Variants in SEMA3D observed in about 807,000 individuals in gnomAD.
SEMA3D encodes semaphorin-3D.
A neutral mutation model predicts 100.1 loss-of-function variants in SEMA3D; 84 were observed. The observed-to-expected ratio is 0.84, with a 90% CI of 0.70 to 1.01. SEMA3D has a LOEUF of 1.01. Ranked by LOEUF, SEMA3D falls within the 50% of genes least tolerant of loss-of-function variation. The probability of loss-of-function intolerance (pLI) is 0.00; values close to 1 mark genes in which losing one functional copy is unlikely to be tolerated. For missense variants in SEMA3D, 875 were observed against 934.1 expected, an observed-to-expected ratio of 0.94 and a Z score of 0.82; for synonymous variants, 312 against 320.7, an observed-to-expected ratio of 0.97 and a Z score of 0.29.
chr7:85,070,707 C>T (rs1032266272), intron 6 of SEMA3D, among the ~76,000 whole-genome samples: 8 of 152,168 alleles, frequency 5.3e-5, no homozygotes, highest in African/African-American at 1.9e-4. Flanking sequence ...AATTTGACTG[C>T]CCCAGGGCTT....
intron 6 of SEMA3D, among the ~76,000 whole-genome samples, chr7:85,069,304 A>T (rs905121972): frequency 6.6e-6 from 1 of 152,202 alleles, no homozygotes; most frequent in Admixed American, 6.5e-5. Context: ...GAACAAGACC[A>T]ATAGTAACTA....
At chr7:85,115,042 C>G (rs539518036) in intron 3 of SEMA3D, among the ~76,000 whole-genome samples, 14 of 152,182 alleles carry the variant, frequency 9.2e-5, no homozygotes, top group Admixed American at 2.0e-4. Flanking sequence ...ACCCAGTGAT[C>G]TTAAAGAGTA....
chr7:85,212,885 T>G, the SEMA3D span, among the ~76,000 whole-genome samples: 1 of 152,066 alleles, frequency 6.6e-6, no homozygotes, highest in Non-Finnish European at 1.5e-5. Flanking sequence ...CGAAACTTCA[T>G]GCAATAATGA....
chr7:85,149,819 A>G (rs1042682682), intron 2 of SEMA3D, among the ~76,000 whole-genome samples: 3 of 152,286 alleles, frequency 2.0e-5, no homozygotes, highest in Non-Finnish European at 2.9e-5. Flanking sequence ...CTGGAGTAAT[A>G]CAGTGAACTC....
In SEMA3D at chr7:85,146,560, A is replaced by AT. The variant is rs974550265; in HGVS notation, c.-41+7047_-41+7048insA. ...CAGAGTGAGACTCCATCTAAAAAAA[A>AT]ATATATATATATATTTTTTACTTAA... On this transcript the variant is annotated intron_variant, in intron 2 of 18. Coordinates refer to ENST00000284136, the MANE Select transcript of SEMA3D (RefSeq NM_001384900.1). Among the ~76,000 whole-genome samples, 1,337 of 151,138 alleles carry AT rather than the reference A, an allele frequency of 8.8e-3. 19 individuals are homozygous for AT. The highest frequency in any genetic ancestry group is 0.027 in the African/African-American group (1,102 of 41,218).
intron 1 of SEMA3D, among the ~76,000 whole-genome samples, chr7:85,158,046 G>A (rs955868190): frequency 5.3e-5 from 8 of 151,926 alleles, no homozygotes; most frequent in South Asian, 2.1e-4. Flanking sequence ...TATCATCTTC[G>A]CAAGCTGAGG....
chr7:85,228,766 G>A, the SEMA3D span, among the ~76,000 whole-genome samples: 2 of 151,944 alleles, frequency 1.3e-5, no homozygotes, highest in Middle Eastern at 3.2e-3. Context: ...AAAGTCATAA[G>A]AGAATTATGA....
At chr7:85,043,184 C>G (rs1790911330) in intron 9 of SEMA3D, among the ~76,000 whole-genome samples, 1 of 151,956 alleles carries the variant, frequency 6.6e-6, no homozygotes. Context: ...ATAGTGGGAT[C>G]TCATCTCTAC....
chr7:85,098,560 GAGGGAGATAC>G (rs1788644859), intron 3 of SEMA3D, among the ~76,000 whole-genome samples: 1 of 151,668 alleles, frequency 6.6e-6, no homozygotes, highest in African/African-American at 2.4e-5. Flanking sequence ...GCAAAACTGA[GAGGGAGATAC>G]AGAAATTTCC....
chr7:85,005,554 G>A (rs113827396), intron 18 of SEMA3D, among the ~76,000 whole-genome samples: 1 of 151,998 alleles, frequency 6.6e-6, no homozygotes, highest in Non-Finnish European at 1.5e-5. Context: ...CAGATGAAGA[G>A]AATTATATTA....
At chr7:85,213,001 T>C in the SEMA3D span, among the ~76,000 whole-genome samples, 14 of 152,066 alleles carry the variant, frequency 9.2e-5, no homozygotes, top group Non-Finnish European at 1.9e-4. Flanking sequence ...CATTCAGGTT[T>C]ATTCTAGAAT....
chr7:85,211,048 A>G, the SEMA3D span, among the ~76,000 whole-genome samples: 3 of 152,076 alleles, frequency 2.0e-5, no homozygotes, highest in Admixed American at 6.6e-5. Context: ...TGTCAAATTA[A>G]CTACAAAATA....
chr7:85,244,897 A>T, the SEMA3D span, among the ~76,000 whole-genome samples: 8 of 151,916 alleles, frequency 5.3e-5, no homozygotes, highest in Admixed American at 5.3e-4. Context: ...ATTTTAGTGG[A>T]GACTGGGATT....
At chr7:85,231,535 C>G in the SEMA3D span, among the ~76,000 whole-genome samples, 2 of 149,268 alleles carry the variant, frequency 1.3e-5, no homozygotes, top group Admixed American at 6.7e-5. Context: ...ACTGCAAGCT[C>G]CGCCTCCCGG....
chr7:85,067,336 A>G (rs970540788), intron 7 of SEMA3D, among the ~76,000 whole-genome samples: 13 of 152,300 alleles, frequency 8.5e-5, no homozygotes, highest in Non-Finnish European at 5.9e-5. Context: ...ACAGAGCAGA[A>G]TCACAAACCA....
At chr7:85,068,100 T>C (rs1791675754) in intron 7 of SEMA3D, 91 bp downstream of exon 7, 1 of 752,836 alleles carries the variant, frequency 1.3e-6, no homozygotes, top group African/African-American at 1.8e-5. Context: ...AGTAAAAAAT[T>C]ACCTTTAACT....
At chr7:85,086,397 T>C (rs1406257813) in intron 4 of SEMA3D, among the ~76,000 whole-genome samples, 1 of 152,076 alleles carries the variant, frequency 6.6e-6, no homozygotes, top group Non-Finnish European at 1.5e-5. Flanking sequence ...AGAATTTCCC[T>C]TAATTCAATC....
chr7:85,179,816 T>G (rs1791348037), intron 1 of SEMA3D, among the ~76,000 whole-genome samples: 1 of 151,896 alleles, frequency 6.6e-6, no homozygotes. Flanking sequence ...CGCCCGCCAC[T>G]GTGCCTGGCT....
chr7:85,031,918 A>G (rs1790561746), intron 12 of SEMA3D, among the ~76,000 whole-genome samples: 1 of 151,950 alleles, frequency 6.6e-6, no homozygotes. Flanking sequence ...CCAGGAAATA[A>G]TGTAAAATTC....
Sources: gnomAD v4.1 joint callset for allele counts (sites outside exome capture counted in the v4.1 genomes callset) on GRCh38, gnomAD v4.1.1 for gene constraint, MANE v1.5 for transcripts, NCBI Gene and HGNC (gene_info 2026-07-23, HGNC 2026-07-21) for gene names.